The following PTPRA variants were observed in gnomAD, a reference collection of about 807,000 sequenced individuals.
The protein encoded by PTPRA is receptor-type tyrosine-protein phosphatase alpha.
A neutral mutation model predicts 104.8 loss-of-function variants in PTPRA; 25 were observed. That is an observed-to-expected ratio of 0.24 (90% CI 0.17 to 0.33). PTPRA has a LOEUF of 0.33. Ranked by LOEUF, PTPRA falls within the 10% of genes least tolerant of loss-of-function variation. PTPRA has a pLI of 1.00. For synonymous variants in PTPRA, 323 were observed against 368.9 expected, an observed-to-expected ratio of 0.88 and a Z score of 1.43; for missense variants, 765 against 1,015.3, an observed-to-expected ratio of 0.75 and a Z score of 3.35.
At chr20:2,883,651 C>CAAAAAAAA (rs71195803) in intron 1 of PTPRA, among the ~76,000 whole-genome samples, 1 of 3,250 alleles carries the variant, frequency 3.1e-4, no homozygotes, top group Non-Finnish European at 4.5e-4. Flanking sequence ...GACTCCGTCT[C>CAAAAAAAA]AAAAAAAAAA....
chr20:2,982,672 CA>C (rs901707995), intron 6 of PTPRA, among the ~76,000 whole-genome samples: 3 of 151,256 alleles, frequency 2.0e-5, no homozygotes, highest in African/African-American at 7.3e-5. Context: ...CCTTGCCTTA[CA>C]AAAATAGTAT....
intron 6 of PTPRA, among the ~76,000 whole-genome samples, chr20:2,983,712 G>A (rs1347287313): frequency 2.0e-5 from 3 of 152,098 alleles, no homozygotes; most frequent in African/African-American, 7.2e-5. Context: ...GAGCAACAGG[G>A]TGGGTTGGAG....
intron 9 of PTPRA, among the ~76,000 whole-genome samples, chr20:2,993,264 C>G (rs374726478): frequency 5.3e-5 from 8 of 152,142 alleles, no homozygotes; most frequent in South Asian, 4.1e-4. Flanking sequence ...AACAAGTTGT[C>G]TTTTATGTTG....
intron 1 of PTPRA, among the ~76,000 whole-genome samples, chr20:2,900,857 C>CA (rs552826526): frequency 0.28 from 34,717 of 123,578 alleles, 4,402 homozygotes; most frequent in South Asian, 0.43. Flanking sequence ...AACTCCATCT[C>CA]AAAAAAAAAA....
intron 6 of PTPRA, among the ~76,000 whole-genome samples, chr20:2,985,100 T>C (rs1247707695): frequency 6.6e-6 from 1 of 152,238 alleles, no homozygotes; most frequent in African/African-American, 2.4e-5. Context: ...AACAATGGCA[T>C]GCAATTGCTG....
chr20:2,975,257 T>A lies in PTPRA; in HGVS notation c.442+16T>A. On this transcript the variant is annotated intron_variant, in intron 6 of 23. Transcript: ENST00000399903. ...GACAGAAGAGGTGAGCTGCTCACCTTATATCTGTTGTTCCTTTTACACAGT... is the reference window on the plus strand; with the variant it reads ...GACAGAAGAGGTGAGCTGCTCACCTAATATCTGTTGTTCCTTTTACACAGT... The A allele has an allele frequency of 6.3e-7, 1 of 1,585,472 alleles. No individual in the cohort carries two copies.
chr20:2,944,076 T>C (rs139922997), intron 2 of PTPRA, among the ~76,000 whole-genome samples: 2,235 of 149,710 alleles, frequency 0.015, 118 homozygotes, highest in Admixed American at 0.088. Context: ...GGTCTCACTC[T>C]GCCACCCAGG....
chr20:2,951,940 G>T (rs1036358822), intron 3 of PTPRA, among the ~76,000 whole-genome samples: 11 of 152,168 alleles, frequency 7.2e-5, no homozygotes, highest in Non-Finnish European at 1.6e-4. Context: ...AGAGATTGAG[G>T]TGAAACCCCC....
At chr20:3,005,636 G>T (rs957431877) in intron 10 of PTPRA, among the ~76,000 whole-genome samples, 1 of 152,164 alleles carries the variant, frequency 6.6e-6, no homozygotes, top group African/African-American at 2.4e-5. Flanking sequence ...GGCTGAAAGA[G>T]CCTTTATGGA....
chr20:2,864,748 G>A, the PTPRA span: 1 of 1,349,200 alleles, frequency 7.4e-7, no homozygotes, highest in Non-Finnish European at 1.0e-6. This position sits in a 1 kb window ranked among gnomAD's most constrained non-coding sequence, Gnocchi z 5.2. Context: ...CGTGTTGGGT[G>A]CACACTCCAT....
At chr20:3,008,528 C>T (rs1393893679) in intron 11 of PTPRA, among the ~76,000 whole-genome samples, 2 of 151,986 alleles carry the variant, frequency 1.3e-5, no homozygotes, top group Non-Finnish European at 2.9e-5. Context: ...TGAAAAAGTT[C>T]TGTAGACGGA....
chr20:2,907,202 T>C (rs978163931), intron 1 of PTPRA, among the ~76,000 whole-genome samples: 7 of 152,204 alleles, frequency 4.6e-5, no homozygotes, highest in Non-Finnish European at 1.0e-4. Flanking sequence ...GAATTTACTA[T>C]TATAAAATTA....
At chr20:2,931,179 C>A (rs1230950679) in intron 2 of PTPRA, among the ~76,000 whole-genome samples, 2 of 152,122 alleles carry the variant, frequency 1.3e-5, no homozygotes, top group Non-Finnish European at 2.9e-5. Flanking sequence ...AGCTCCCTCT[C>A]TCTCCCTGTG....
At chr20:2,891,748 TC>T (rs200131912) in intron 1 of PTPRA, among the ~76,000 whole-genome samples, 1 of 151,548 alleles carries the variant, frequency 6.6e-6, no homozygotes, top group African/African-American at 2.4e-5. Flanking sequence ...GATTCCAGGA[TC>T]CCCCCCATGG....
chr20:2,886,110 G>A (rs190022145), intron 1 of PTPRA, among the ~76,000 whole-genome samples: 4 of 152,096 alleles, frequency 2.6e-5, no homozygotes, highest in Admixed American at 2.0e-4. Context: ...CATAAGTATA[G>A]ATCTTGTTTA....
chr20:3,015,779 A>G, intron 11 of PTPRA, 70 bp from the exon 12 acceptor site: 2 of 1,343,756 alleles, frequency 1.5e-6, no homozygotes, highest in Non-Finnish European at 2.1e-6. Context: ...GGTTGGAGTC[A>G]GACTGGAGAA....
chr20:2,903,105 A>G (rs918989663), intron 1 of PTPRA, among the ~76,000 whole-genome samples: 1 of 152,232 alleles, frequency 6.6e-6, no homozygotes, highest in African/African-American at 2.4e-5. Context: ...TTGAATGCCT[A>G]CATGACTGCT....
chr20:2,992,240 G>T (rs1045182740), intron 9 of PTPRA, among the ~76,000 whole-genome samples: 1 of 152,156 alleles, frequency 6.6e-6, no homozygotes, highest in Non-Finnish European at 1.5e-5. Flanking sequence ...TTACGAGACC[G>T]GCCCGGTGGC....
At chr20:3,019,438 G>A (rs1439182963) in intron 13 of PTPRA, among the ~76,000 whole-genome samples, 1 of 151,124 alleles carries the variant, frequency 6.6e-6, no homozygotes, top group African/African-American at 2.4e-5. Context: ...CTTCTCAGAC[G>A]GGGCGGCCAG....
Sources: gnomAD v4.1 joint callset for allele counts (sites outside exome capture counted in the v4.1 genomes callset) on GRCh38, gnomAD v4.1.1 for gene constraint, Gnocchi (gnomAD v3.1) non-coding constraint, MANE v1.5 for transcripts, NCBI Gene and HGNC (gene_info 2026-07-23, HGNC 2026-07-21) for gene names.